Variants in HNRNPLL observed in about 807,000 individuals in gnomAD.
HNRNPLL encodes heterogeneous nuclear ribonucleoprotein L-like.
Under a neutral mutation model 67.1 loss-of-function variants are expected in HNRNPLL, and 25 were observed. That is an observed-to-expected ratio of 0.37 (90% CI 0.27 to 0.52). HNRNPLL has a LOEUF of 0.52. Among genes scored for constraint, HNRNPLL ranks in the 20% least tolerant of loss-of-function variants. The probability of loss-of-function intolerance (pLI) is 0.90; values close to 1 mark genes in which losing one functional copy is unlikely to be tolerated. For synonymous variants in HNRNPLL, 267 were observed against 241.7 expected, an observed-to-expected ratio of 1.10 and a Z score of -0.97; for missense variants, 542 against 673.9, an observed-to-expected ratio of 0.80 and a Z score of 2.17.
At position 38,602,609 on chromosome 2, in the gene HNRNPLL, G is replaced by A. The variant is rs755933790; in HGVS notation, c.18C>T (p.Ser6=). Residue 6 remains serine, a synonymous_variant, in exon 1 of 13, where the codon TCC becomes TCT. Coordinates refer to ENST00000449105, the MANE Select transcript of HNRNPLL (RefSeq NM_138394.4). ...CCTCCTCGTACGTCTCCCTGGGGGA[G>A]GAAGAGGAGGAGGACATGGCGGCGG... MSSSS[S]SPRETYEEDR... The A allele has an allele frequency of 6.4e-7, 1 of 1,559,494 alleles. No individual in the cohort carries two copies. The highest frequency in any genetic ancestry group is 1.2e-5 in the South Asian group (1 of 84,116).
chr2:38,569,376 G>C, intron 9 of HNRNPLL, 42 bp from the exon 10 acceptor site: 1 of 1,429,530 alleles, frequency 7.0e-7, no homozygotes, highest in Non-Finnish European at 9.8e-7. Flanking sequence ...TACTTTGTTA[G>C]ATAAAAAGCA....
At position 38,602,647 on chromosome 2, in the gene HNRNPLL, G is replaced by A; in HGVS notation, c.-21C>T. 6.7e-7 allele frequency: 1 copy of A among 1,487,862 alleles called. No homozygotes were observed. The highest frequency in any genetic ancestry group is 8.9e-7 in the Non-Finnish European group (1 of 1,122,704). 92.2% of individuals were successfully genotyped at this position (1,487,862 alleles called of 1,614,324 possible). On this transcript the variant is annotated 5_prime_UTR_variant, in exon 1 of 13. Transcript: ENST00000449105. ...GACATGGCGGCGGCCGGAGGGACCG[G>A]CTGGCAGGCGGGTGGGGGTGGCGGT... is the stretch of plus-strand genomic sequence containing the variant.
chr2:38,602,655 G>C lies in HNRNPLL; in HGVS notation c.-29C>G. The C allele has an allele frequency of 2.7e-6, 4 of 1,477,702 alleles. No homozygotes were observed. Among genetic ancestry groups the C allele is most frequent in the Non-Finnish European group, 3.6e-6 (4 of 1,118,196 alleles). 91.5% of individuals were successfully genotyped at this position (1,477,702 alleles called of 1,614,324 possible). A position where few individuals can be genotyped will look rare whatever the true frequency, so the allele number is the denominator to read the frequency against. The stretch of plus-strand genomic sequence containing the variant: ...GGCGGCCGGAGGGACCGGCTGGCAG[G>C]CGGGTGGGGGTGGCGGTGGGGCGCG... On this transcript the variant is annotated 5_prime_UTR_variant, in exon 1 of 13. Coordinates refer to ENST00000449105, the MANE Select transcript of HNRNPLL (RefSeq NM_138394.4).
In HNRNPLL at chr2:38,582,730, G is replaced by A. The variant is rs147473630; in HGVS notation, c.633-562C>T. Among the ~76,000 whole-genome samples the A allele has an allele frequency of 4.6e-4, 70 of 152,166 alleles. 4 individuals carry two copies. The East Asian group carries it at 0.013, about 29-fold the overall frequency. ...AGCTCAGGAGTTCGAGACCAGCCTG[G>A]CCAACATGGTGAAGCCCCATCTCTA... On this transcript the variant is annotated intron_variant, in intron 4 of 12. Coordinates refer to ENST00000449105, the MANE Select transcript of HNRNPLL (RefSeq NM_138394.4).
At chr2:38,599,425 A>C (rs1340535352) in intron 1 of HNRNPLL, among the ~76,000 whole-genome samples, 1 of 152,212 alleles carries the variant, frequency 6.6e-6, no homozygotes, top group East Asian at 1.9e-4. Flanking sequence ...CAGAAACTTA[A>C]TATGATCTTG....
At chr2:38,595,212 G>A (rs1667126038) in intron 1 of HNRNPLL, among the ~76,000 whole-genome samples, 1 of 148,222 alleles carries the variant, frequency 6.7e-6, no homozygotes, top group Admixed American at 6.7e-5. Context: ...CCCAGGAGGT[G>A]GAGGTTGCAG....
intron 2 of HNRNPLL, among the ~76,000 whole-genome samples, chr2:38,588,621 A>G (rs1438149781): frequency 6.6e-6 from 1 of 151,982 alleles, no homozygotes; most frequent in Non-Finnish European, 1.5e-5. Flanking sequence ...AAGTAGCATC[A>G]ATGAAGATAA....
chr2:38,564,637 A>G (rs928679445), intron 12 of HNRNPLL, among the ~76,000 whole-genome samples: 57 of 150,288 alleles, frequency 3.8e-4, no homozygotes, highest in Non-Finnish European at 4.7e-4. Flanking sequence ...AAAAAAAAAA[A>G]GTAAAATTTC....
At chr2:38,577,979 G>A (rs1348354575) in intron 6 of HNRNPLL, 1 of 471,054 alleles carries the variant, frequency 2.1e-6, no homozygotes, top group Non-Finnish European at 4.4e-6. Context: ...CTTTCAAGAA[G>A]TTTCAGCATA....
At position 38,584,925 on chromosome 2, in the gene HNRNPLL, ATAT is replaced by A. The variant is rs548253659; in HGVS notation, c.546+716_546+718del. 2.2e-3 allele frequency among the ~76,000 whole-genome samples: 336 copies of A among 151,968 alleles called. 1 individual carries two copies. The highest frequency in any genetic ancestry group is 7.8e-3 in the African/African-American group (326 of 41,534). On this transcript the variant is annotated intron_variant, in intron 3 of 12. Coordinates refer to ENST00000449105, the MANE Select transcript of HNRNPLL (RefSeq NM_138394.4). Reference sequence around the variant, plus strand: ...CCGAATATTATAAATATATTACTATATATTAATAAGTCTATATTTAAAATACAA... The same window carrying A: ...CCGAATATTATAAATATATTACTATATAATAAGTCTATATTTAAAATACAA...
chr2:38,566,504 A>T (rs1213833129), intron 12 of HNRNPLL, among the ~76,000 whole-genome samples: 1 of 152,178 alleles, frequency 6.6e-6, no homozygotes, highest in Non-Finnish European at 1.5e-5. Context: ...TCATACTGGT[A>T]AAAATTGAAT....
intron 8 of HNRNPLL, 36 bp downstream of exon 8, chr2:38,573,174 T>G (rs1573726782): frequency 1.4e-6 from 2 of 1,397,122 alleles, no homozygotes; most frequent in South Asian, 1.2e-5. Flanking sequence ...CCACTGAATA[T>G]CCTAGCAAAA....
At chr2:38,602,109 C>G (rs1226505670) in intron 1 of HNRNPLL, 4 of 336,908 alleles carry the variant, frequency 1.2e-5, no homozygotes, top group Non-Finnish European at 1.6e-5. Context: ...AGGAGTTAAA[C>G]TAACAAAGAG....
intron 1 of HNRNPLL, among the ~76,000 whole-genome samples, chr2:38,601,267 C>T (rs1030250182): frequency 6.6e-6 from 1 of 152,136 alleles, no homozygotes; most frequent in Non-Finnish European, 1.5e-5. Flanking sequence ...ATCCTGGTAA[C>T]TGGAAACTGC....
At chr2:38,568,164 A>G in intron 12 of HNRNPLL, 35 bp downstream of exon 12, 1 of 1,300,342 alleles carries the variant, frequency 7.7e-7, no homozygotes, top group South Asian at 1.2e-5. Context: ...AACTGCCACT[A>G]CATAATTACA....
rs531735253 is a variant in HNRNPLL at position 38,577,340 on chromosome 2, T to A, written c.874+121A>T. ...CTGGGAGTACATTACAAGGGACTGA[T>A]CCCATATAAACCGAGGCAGATACGC... On this transcript the variant is annotated intron_variant, in intron 7 of 12. Transcript: ENST00000449105. The A allele has an allele frequency of 2.7e-5, 18 of 669,806 alleles. 1 individual carries two copies. Among genetic ancestry groups the A allele is most frequent in the South Asian group, 1.8e-4 (10 of 56,254 alleles). The allele number at this position is 669,806 out of a possible 1,614,324, so 41.5% of individuals were successfully genotyped here. A position where few individuals can be genotyped will look rare whatever the true frequency, so the allele number is the denominator to read the frequency against.
At position 38,583,936 on chromosome 2, in the gene HNRNPLL, AAAAG is replaced by A. The variant is rs1253212445; in HGVS notation, c.547-14_547-11del. 7.8e-7 allele frequency: 1 copy of A among 1,276,582 alleles called. No homozygotes were observed. The highest frequency in any genetic ancestry group is 1.5e-5 in the African/African-American group (1 of 65,790). 79.1% of individuals were successfully genotyped at this position (1,276,582 alleles called of 1,614,324 possible). Reference sequence around the variant, plus strand: ...CAGTATATAAAACATCCTATGAAGGAAAAGAAAAAGATTTCTTCACACTTTACAT... The same window carrying A: ...CAGTATATAAAACATCCTATGAAGGAAAAAAGATTTCTTCACACTTTACAT... On this transcript the variant is annotated splice_polypyrimidine_tract_variant and intron_variant, in intron 3 of 12. Transcript: ENST00000449105.
At chr2:38,574,519 T>C (rs1666222739) in intron 7 of HNRNPLL, among the ~76,000 whole-genome samples, 1 of 151,862 alleles carries the variant, frequency 6.6e-6, no homozygotes, top group African/African-American at 2.4e-5. Context: ...CACTTGTATA[T>C]AGGACTAAGG....
At chr2:38,584,799 T>C (rs1415195169) in intron 3 of HNRNPLL, among the ~76,000 whole-genome samples, 4 of 151,936 alleles carry the variant, frequency 2.6e-5, no homozygotes, top group Non-Finnish European at 4.4e-5. Context: ...TATCAAGAAA[T>C]TTCTTGAGCA....
Sources: allele counts gnomAD v4.1 joint callset (sites outside exome capture counted in the v4.1 genomes callset), GRCh38; gene constraint gnomAD v4.1.1; transcripts MANE v1.5; gene names NCBI Gene and HGNC (gene_info 2026-07-23, HGNC 2026-07-21).